Variants in EFCAB6 observed in about 807,000 individuals in gnomAD.
The protein encoded by EFCAB6 is EF-hand calcium binding domain 6, also known as EF-hand calcium-binding domain-containing protein 6.
Under a neutral mutation model 169.8 loss-of-function variants are expected in EFCAB6, and 156 were observed. The ratio of observed to expected loss-of-function variants is 0.92; its 90% CI spans 0.81 to 1.05. The LOEUF (loss-of-function observed/expected upper bound fraction) is 1.05. Among genes scored for constraint, EFCAB6 ranks in the 50% least tolerant of loss-of-function variants. The pLI, the probability that EFCAB6 is intolerant of heterozygous loss-of-function variation, is 0.00. For synonymous variants in EFCAB6, 698 were observed against 676.4 expected (o/e 1.03, Z -0.50); for missense variants, 1,800 against 1,829.1 (o/e 0.98, Z 0.29).
chr22:43,739,785 A>C (rs1603303687), intron 6 of EFCAB6, among the ~76,000 whole-genome samples: 10 of 138,462 alleles, frequency 7.2e-5, no homozygotes, highest in East Asian at 2.1e-4. Flanking sequence ...TACCACCCCC[A>C]CCCCGCTTCT....
chr22:43,595,337 T>G (rs962751892), intron 23 of EFCAB6, among the ~76,000 whole-genome samples: 2 of 151,952 alleles, frequency 1.3e-5, no homozygotes, highest in African/African-American at 4.8e-5. Flanking sequence ...TAAAAGTTGG[T>G]TTTTGAAAAG....
At chr22:43,757,700 G>T (rs964101263) in intron 5 of EFCAB6, among the ~76,000 whole-genome samples, 1 of 152,158 alleles carries the variant, frequency 6.6e-6, no homozygotes, top group Non-Finnish European at 1.5e-5. Flanking sequence ...AGCCAAGCTG[G>T]TCAAGGCTTT....
At chr22:43,743,255 C>T (rs2060438043) in intron 6 of EFCAB6, among the ~76,000 whole-genome samples, 2 of 152,178 alleles carry the variant, frequency 1.3e-5, no homozygotes. Context: ...GGAAAATGAA[C>T]CCTCTCCCAG....
intron 24 of EFCAB6, among the ~76,000 whole-genome samples, chr22:43,583,031 A>G (rs778700929): frequency 1.3e-5 from 2 of 152,124 alleles, no homozygotes; most frequent in Non-Finnish European, 2.9e-5. Context: ...GTTTGTTCCC[A>G]CTGACTAATC....
rs200142414 is a variant in EFCAB6, at chr22:43,576,513, G to A, written c.3229-25C>T. 4.8e-4 allele frequency: 720 copies of A among 1,504,920 alleles called. 4 individuals are homozygous for A. Among genetic ancestry groups the A allele is most frequent in the Non-Finnish European group, 3.4e-5 (39 of 1,134,628 alleles). 93.2% of individuals were successfully genotyped at this position (1,504,920 alleles called of 1,614,324 possible). ...CCTAAAAAGAAAGAAAAGAAAAAAA[G>A]ATGGCAAATCCTGTCAAATGAATAC... On this transcript the variant is annotated intron_variant, in intron 25 of 31. Transcript: ENST00000262726.
chr22:43,780,279 G>A (rs1392398925), intron 3 of EFCAB6, among the ~76,000 whole-genome samples: 1 of 151,992 alleles, frequency 6.6e-6, no homozygotes, highest in Non-Finnish European at 1.5e-5. Flanking sequence ...TTGAGGCCAG[G>A]AGTTTGAGAC....
rs951454853 is a variant in EFCAB6 at position 43,537,831 on chromosome 22, G to C, written c.3880-286C>G. On this transcript the variant is annotated intron_variant, in intron 28 of 31. Transcript: ENST00000262726. This position sits in a 1 kb window ranked among gnomAD's most constrained non-coding sequence, Gnocchi z 4.3. ...GATGAGATGTAAACATATTTCTGCT[G>C]TGTGTGTGTGTGTGTGAGAAGTGAC... is the stretch of plus-strand genomic sequence containing the variant. Among the ~76,000 whole-genome samples the C allele has an allele frequency of 6.6e-6, 1 of 151,274 alleles. No homozygotes were observed. The highest frequency in any genetic ancestry group is 2.4e-5 in the African/African-American group (1 of 41,172).
chr22:43,618,833 C>A (rs2053923591), intron 20 of EFCAB6, among the ~76,000 whole-genome samples: 1 of 152,046 alleles, frequency 6.6e-6, no homozygotes, highest in Admixed American at 6.5e-5. Context: ...TTAAAATTTT[C>A]TCTAACCAGA....
At chr22:43,784,809 G>A (rs2062019985) in intron 2 of EFCAB6, among the ~76,000 whole-genome samples, 1 of 149,878 alleles carries the variant, frequency 6.7e-6, no homozygotes, top group African/African-American at 2.5e-5. Context: ...CCTGGCATTT[G>A]AGGTTACAGT....
chr22:43,685,985 ATTT>A (rs137796), intron 11 of EFCAB6, among the ~76,000 whole-genome samples: 1 of 148,316 alleles, frequency 6.7e-6, no homozygotes, highest in African/African-American at 2.5e-5. Flanking sequence ...TTTTAAAACA[ATTT>A]TTTTTTTTTG....
intron 10 of EFCAB6, 34 bp downstream of exon 10, chr22:43,711,441 G>GA (rs35670189): frequency 7.2e-6 from 11 of 1,531,656 alleles, no homozygotes; most frequent in East Asian, 2.3e-5. Context: ...GACGTTTGGG[G>GA]AAAAAAATGT....
At chr22:43,658,443 G>A (rs2056852071) in intron 17 of EFCAB6, among the ~76,000 whole-genome samples, 1 of 152,138 alleles carries the variant, frequency 6.6e-6, no homozygotes, top group Non-Finnish European at 1.5e-5. Context: ...TGGCCCTGGA[G>A]TGACAAAATT....
At chr22:43,635,307 A>G (rs2055305283) in intron 17 of EFCAB6, 91 bp from the exon 18 acceptor site, 1 of 924,396 alleles carries the variant, frequency 1.1e-6, no homozygotes, top group African/African-American at 1.6e-5. Context: ...GCTGGCTCAC[A>G]GCAGGGCTCA....
At chr22:43,566,911 C>G (rs183646038) in intron 26 of EFCAB6, among the ~76,000 whole-genome samples, 6 of 152,166 alleles carry the variant, frequency 3.9e-5, no homozygotes, top group Non-Finnish European at 8.8e-5. Context: ...GGGCCTCCCC[C>G]ACTGCCCTGC....
intron 9 of EFCAB6, 38 bp downstream of exon 9, chr22:43,716,807 GTTT>G: frequency 6.3e-7 from 1 of 1,577,620 alleles, no homozygotes; most frequent in Admixed American, 1.9e-5. Context: ...ACTTTGCTGT[GTTT>G]ACTCTGTAGG....
chr22:43,567,876 C>A (rs569687766), intron 26 of EFCAB6, among the ~76,000 whole-genome samples: 2 of 152,160 alleles, frequency 1.3e-5, no homozygotes, highest in Non-Finnish European at 2.9e-5. Flanking sequence ...TCCTGCCAGC[C>A]GGTGCTGGAA....
At chr22:43,760,170 C>T (rs2061104817) in intron 5 of EFCAB6, among the ~76,000 whole-genome samples, 1 of 138,462 alleles carries the variant, frequency 7.2e-6, no homozygotes, top group Non-Finnish European at 1.5e-5. Context: ...CACCACTGCA[C>T]TCCAGCCTGG....
At chr22:43,713,896 G>C (rs1167664860) in intron 9 of EFCAB6, among the ~76,000 whole-genome samples, 3 of 152,024 alleles carry the variant, frequency 2.0e-5, no homozygotes, top group Non-Finnish European at 4.4e-5. Context: ...ATATATGATG[G>C]GGAAAAAGAG....
intron 15 of EFCAB6, among the ~76,000 whole-genome samples, chr22:43,671,358 T>C (rs1191808707): frequency 1.3e-5 from 2 of 152,082 alleles, no homozygotes; most frequent in East Asian, 3.9e-4. Flanking sequence ...GGTGCCACCA[T>C]GCCTGGCTTA....
Sources: allele counts gnomAD v4.1 joint callset (sites outside exome capture counted in the v4.1 genomes callset), GRCh38; gene constraint gnomAD v4.1.1; non-coding constraint Gnocchi (gnomAD v3.1); transcripts MANE v1.5; gene names NCBI Gene and HGNC (gene_info 2026-07-23, HGNC 2026-07-21).